The following CNTNAP2 variants were observed in gnomAD, a reference collection of about 807,000 sequenced individuals.
CNTNAP2 encodes contactin associated protein 2.
In CNTNAP2, 98 loss-of-function variants were observed where a neutral mutation model predicts 155.2. That is an observed-to-expected ratio of 0.63 (90% CI 0.54 to 0.75). CNTNAP2 has a LOEUF of 0.75. CNTNAP2 is among the 30% of genes least tolerant of loss of function. The probability of loss-of-function intolerance (pLI) is 0.00; values close to 1 mark genes in which losing one functional copy is unlikely to be tolerated. For missense variants in CNTNAP2, 1,727 were observed against 1,688.1 expected (o/e 1.02, Z -0.40); for synonymous variants, 651 against 631.2 (o/e 1.03, Z -0.47).
At chr7:148,156,047 G>A (rs1805392245) in intron 17 of CNTNAP2, among the ~76,000 whole-genome samples, 1 of 152,214 alleles carries the variant, frequency 6.6e-6, no homozygotes, top group Admixed American at 6.5e-5. Flanking sequence ...AGGCAGTGGT[G>A]AGGCTGGACA....
chr7:148,271,180 C>T (rs1241717136), intron 21 of CNTNAP2, among the ~76,000 whole-genome samples: 1 of 152,222 alleles, frequency 6.6e-6, no homozygotes. Context: ...GTCTGCGTTT[C>T]TCACAACACC....
At chr7:146,610,200 G>A (rs78704662) in intron 1 of CNTNAP2, among the ~76,000 whole-genome samples, 2 of 152,136 alleles carry the variant, frequency 1.3e-5, no homozygotes, top group African/African-American at 4.8e-5. Context: ...AAACCTGTGG[G>A]ATTTGCCTAG....
At chr7:148,098,745 C>G (rs890149000) in intron 15 of CNTNAP2, among the ~76,000 whole-genome samples, 2 of 152,112 alleles carry the variant, frequency 1.3e-5, no homozygotes, top group Admixed American at 1.3e-4. Context: ...AAGTCCAGAG[C>G]TATGAATGCC....
intron 1 of CNTNAP2, among the ~76,000 whole-genome samples, chr7:146,503,841 T>A (rs1797341891): frequency 6.6e-6 from 1 of 152,192 alleles, no homozygotes; most frequent in Non-Finnish European, 1.5e-5. Context: ...ACTGTCAGGT[T>A]CCAACCTGAG....
intron 17 of CNTNAP2, among the ~76,000 whole-genome samples, chr7:148,151,304 T>C (rs751496832): frequency 6.6e-6 from 1 of 151,982 alleles, no homozygotes; most frequent in Non-Finnish European, 1.5e-5. Context: ...TTATTAATAA[T>C]AGTAGTAGTA....
rs191510231 is a variant in CNTNAP2 at position 146,305,144 on chromosome 7, C to T, written c.97+188171C>T. 5.0e-3 allele frequency among the ~76,000 whole-genome samples: 763 copies of T among 152,180 alleles called. 9 individuals are homozygous for T. Among genetic ancestry groups the T allele is most frequent in the Non-Finnish European group, 8.1e-3 (552 of 68,000 alleles). ...ATCAGGTCATTTAAGGACTTCTCTA[C>T]ACTGTTTATTCTAATTAGCCATTTG... is the stretch of plus-strand genomic sequence containing the variant. On this transcript the variant is annotated intron_variant, in intron 1 of 23. Transcript: ENST00000361727.
chr7:147,324,358 G>C (rs1244374361), intron 9 of CNTNAP2, among the ~76,000 whole-genome samples: 1 of 152,148 alleles, frequency 6.6e-6, no homozygotes, highest in African/African-American at 2.4e-5. Flanking sequence ...TTGTGTCCTA[G>C]AAGACAACAG....
intron 11 of CNTNAP2, among the ~76,000 whole-genome samples, chr7:147,516,412 C>A (rs568011084): frequency 6.6e-6 from 1 of 152,264 alleles, no homozygotes; most frequent in African/African-American, 2.4e-5. Context: ...AATTGCAAAA[C>A]ATTATTAGGG....
At chr7:146,888,551 A>G (rs149774723) in intron 3 of CNTNAP2, among the ~76,000 whole-genome samples, 4 of 152,190 alleles carry the variant, frequency 2.6e-5, no homozygotes, top group Non-Finnish European at 4.4e-5. Context: ...AATAATCAAG[A>G]CCACCATTTC....
chr7:146,127,898 T>C (rs1340140334), intron 1 of CNTNAP2, among the ~76,000 whole-genome samples: 1 of 152,202 alleles, frequency 6.6e-6, no homozygotes, highest in African/African-American at 2.4e-5. Context: ...TTATGAAATG[T>C]CAATGAATTT....
chr7:147,423,617 T>C (rs1024146718), intron 10 of CNTNAP2, among the ~76,000 whole-genome samples: 1 of 152,178 alleles, frequency 6.6e-6, no homozygotes, highest in African/African-American at 2.4e-5. Context: ...TAGTATTCTT[T>C]GGAGTTTTCA....
intron 1 of CNTNAP2, among the ~76,000 whole-genome samples, chr7:146,661,728 CTTTCTTTT>C (rs1324846768): frequency 7.0e-5 from 5 of 71,654 alleles, no homozygotes; most frequent in South Asian, 9.6e-4. Context: ...TTCTTTCTTT[CTTTCTTTT>C]TTTTTTTTAA....
intron 15 of CNTNAP2, among the ~76,000 whole-genome samples, chr7:148,065,848 TTTTTTGTCACCGTG>T (rs1318021701): frequency 6.6e-6 from 1 of 152,184 alleles, no homozygotes; most frequent in Non-Finnish European, 1.5e-5. Flanking sequence ...GAATACCTTG[TTTTTTGTCACCGTG>T]TTATTGTATT....
intron 4 of CNTNAP2, among the ~76,000 whole-genome samples, chr7:147,053,443 T>C (rs1200817261): frequency 6.6e-6 from 1 of 152,042 alleles, no homozygotes; most frequent in Admixed American, 6.6e-5. Context: ...AACAAGACAG[T>C]TACAATTGGC....
chr7:146,985,397 A>T (rs1352035440), intron 3 of CNTNAP2, among the ~76,000 whole-genome samples: 1 of 146,870 alleles, frequency 6.8e-6, no homozygotes, highest in Non-Finnish European at 1.5e-5. Context: ...GGCTCACTGC[A>T]AGCTCCGCCT....
chr7:146,998,646 C>T (rs1333809834), intron 3 of CNTNAP2, among the ~76,000 whole-genome samples: 1 of 151,926 alleles, frequency 6.6e-6, no homozygotes, highest in Admixed American at 6.6e-5. Flanking sequence ...GTCGCTTACT[C>T]TTAGTGTATT....
At chr7:148,331,768 T>TGGATGGAGTGGACAGGTGGAATGGAC (rs1798028185) in intron 21 of CNTNAP2, among the ~76,000 whole-genome samples, 2 of 13,138 alleles carry the variant, frequency 1.5e-4, no homozygotes, top group Non-Finnish European at 4.4e-4. Context: ...ATGGATTGGA[T>TGGATGGAGTGGACAGGTGGAATGGAC]GGATGGAATG....
At chr7:147,589,056 C>G (rs1800688996) in intron 12 of CNTNAP2, among the ~76,000 whole-genome samples, 1 of 152,114 alleles carries the variant, frequency 6.6e-6, no homozygotes, top group South Asian at 2.1e-4. Context: ...CAATTTATTT[C>G]TGTTTATCAT....
intron 1 of CNTNAP2, among the ~76,000 whole-genome samples, chr7:146,699,379 A>T (rs1800837159): frequency 6.6e-6 from 1 of 152,098 alleles, no homozygotes; most frequent in African/African-American, 2.4e-5. Context: ...AAGGCTTTTC[A>T]CTTGTATTCC....
Sources: gnomAD v4.1 joint callset for allele counts (sites outside exome capture counted in the v4.1 genomes callset) on GRCh38, gnomAD v4.1.1 for gene constraint, MANE v1.5 for transcripts, NCBI Gene and HGNC (gene_info 2026-07-23, HGNC 2026-07-21) for gene names.